Variants in CRACD observed in about 807,000 individuals in gnomAD.
CRACD encodes the protein capping protein inhibiting regulator of actin dynamics.
CRACD carries 56 observed loss-of-function variants against 106.8 expected under a neutral mutation model. The observed-to-expected ratio is 0.52, with a 90% CI of 0.42 to 0.66. The LOEUF (loss-of-function observed/expected upper bound fraction) is 0.66, where lower values mean the gene tolerates loss of function less well. Ranked by LOEUF, CRACD falls within the 30% of genes least tolerant of loss-of-function variation. CRACD has a pLI of 0.00. For missense variants in CRACD, 1,730 were observed against 1,623.2 expected, an observed-to-expected ratio of 1.07 and a Z score of -1.13; for synonymous variants, 754 against 670.8, an observed-to-expected ratio of 1.12 and a Z score of -1.92.
intron 3 of CRACD, among the ~76,000 whole-genome samples, chr4:56,288,984 T>C (rs1403125387): frequency 6.6e-6 from 1 of 152,208 alleles, no homozygotes; most frequent in Non-Finnish European, 1.5e-5. Context: ...GGATGAACTT[T>C]CAAAACATTA....
At chr4:56,232,696 G>A (rs928084799) in intron 2 of CRACD, among the ~76,000 whole-genome samples, 9 of 99,212 alleles carry the variant, frequency 9.1e-5, no homozygotes, top group African/African-American at 3.5e-4. Flanking sequence ...TTTAAAACAT[G>A]TATCTTTATT....
chr4:56,202,653 A>G (rs1019838376), intron 2 of CRACD, among the ~76,000 whole-genome samples: 1 of 152,220 alleles, frequency 6.6e-6, no homozygotes, highest in African/African-American at 2.4e-5. Flanking sequence ...TTTAATGAAT[A>G]GGTTTTAAAA....
chr4:56,074,518 A>T (rs1732766573), intron 1 of CRACD, among the ~76,000 whole-genome samples: 2 of 152,032 alleles, frequency 1.3e-5, no homozygotes, highest in South Asian at 2.1e-4. Context: ...AATGCTTGTG[A>T]TTTTTGCGCA....
chr4:56,162,219 G>T (rs1052454678), intron 1 of CRACD, among the ~76,000 whole-genome samples: 1 of 151,614 alleles, frequency 6.6e-6, no homozygotes, highest in African/African-American at 2.4e-5. Flanking sequence ...TTTAGAAACA[G>T]GGTCTCACTT....
chr4:56,101,760 C>CAAAAA (rs60106850), intron 1 of CRACD, among the ~76,000 whole-genome samples: 1 of 103,290 alleles, frequency 9.7e-6, no homozygotes. Context: ...AAGACTGTCT[C>CAAAAA]AAAAAAAAAA....
intron 1 of CRACD, among the ~76,000 whole-genome samples, chr4:56,107,699 A>C (rs1008929822): frequency 6.6e-6 from 1 of 152,110 alleles, no homozygotes; most frequent in African/African-American, 2.4e-5. Flanking sequence ...ATTTTACCTT[A>C]GGGAAGGAGA....
intron 2 of CRACD, among the ~76,000 whole-genome samples, chr4:56,253,519 C>T (rs1741166591): frequency 6.6e-6 from 1 of 152,130 alleles, no homozygotes; most frequent in South Asian, 2.1e-4. Context: ...CCCCACGCCT[C>T]ATAGTCTCTT....
chr4:56,123,947 A>AT (rs3036813), intron 1 of CRACD, among the ~76,000 whole-genome samples: 32,333 of 151,212 alleles, frequency 0.21, 3,701 homozygotes, highest in East Asian at 0.32. Context: ...TTTTAAAATC[A>AT]TTTTTTTTTA....
chr4:56,116,070 G>A (rs1734264785), intron 1 of CRACD, among the ~76,000 whole-genome samples: 1 of 152,202 alleles, frequency 6.6e-6, no homozygotes, highest in South Asian at 2.1e-4. Context: ...AACAAGCCTA[G>A]TCATCTTCTC....
At chr4:56,082,049 A>G (rs187005161) in intron 1 of CRACD, among the ~76,000 whole-genome samples, 1 of 152,358 alleles carries the variant, frequency 6.6e-6, no homozygotes, top group East Asian at 1.9e-4. Context: ...GCAATAAGCA[A>G]AAAGTTTATT....
At chr4:56,301,266 A>G (rs1577879702) in intron 4 of CRACD, 1 of 1,278,886 alleles carries the variant, frequency 7.8e-7, no homozygotes, top group African/African-American at 1.5e-5. Context: ...TAGAAGTGAT[A>G]GTAACTTTAT....
At chr4:56,252,120 A>C (rs1741089897) in intron 2 of CRACD, among the ~76,000 whole-genome samples, 1 of 152,208 alleles carries the variant, frequency 6.6e-6, no homozygotes, top group Non-Finnish European at 1.5e-5. Flanking sequence ...AATTGATTGC[A>C]AGGTTCACTA....
intron 2 of CRACD, among the ~76,000 whole-genome samples, chr4:56,189,481 T>C (rs1205560553): frequency 2.0e-5 from 3 of 150,912 alleles, no homozygotes; most frequent in East Asian, 2.0e-4. Context: ...ATGTACCATG[T>C]TGGTGTGCTG....
chr4:56,216,823 A>G (rs1738709670), intron 2 of CRACD, among the ~76,000 whole-genome samples: 2 of 150,846 alleles, frequency 1.3e-5, no homozygotes, highest in Non-Finnish European at 3.0e-5. Flanking sequence ...TACTAAAAAT[A>G]CAAAAAATTA....
intron 8 of CRACD, among the ~76,000 whole-genome samples, chr4:56,319,879 A>G (rs772850326): frequency 2.0e-4 from 30 of 152,282 alleles, no homozygotes; most frequent in Non-Finnish European, 3.4e-4. Flanking sequence ...TGCTTGTACT[A>G]TAAACACTTT....
chr4:56,214,335 C>T (rs1738549351), intron 2 of CRACD, among the ~76,000 whole-genome samples: 1 of 152,126 alleles, frequency 6.6e-6, no homozygotes, highest in South Asian at 2.1e-4. Flanking sequence ...TGGCTTACGC[C>T]TATAATTCCA....
intron 1 of CRACD, among the ~76,000 whole-genome samples, chr4:56,139,126 A>G (rs1383760233): frequency 1.3e-5 from 2 of 152,220 alleles, no homozygotes; most frequent in Admixed American, 6.5e-5. Flanking sequence ...GTGCTTCCAT[A>G]TACTCAATTC....
At chr4:56,261,932 A>T (rs1741733187) in intron 2 of CRACD, among the ~76,000 whole-genome samples, 3 of 152,210 alleles carry the variant, frequency 2.0e-5, no homozygotes, top group Non-Finnish European at 4.4e-5. Flanking sequence ...CTAAAAATCC[A>T]CATACTTTGC....
chr4:56,087,254 C>T (rs1170138845), intron 1 of CRACD, among the ~76,000 whole-genome samples: 1 of 152,170 alleles, frequency 6.6e-6, no homozygotes, highest in African/African-American at 2.4e-5. Context: ...CTCAGACGAT[C>T]CGCCCACCTG....
Sources: allele counts gnomAD v4.1 joint callset (sites outside exome capture counted in the v4.1 genomes callset), GRCh38; gene constraint gnomAD v4.1.1; transcripts MANE v1.5; gene names NCBI Gene and HGNC (gene_info 2026-07-23, HGNC 2026-07-21).